ERC1: variants seen among roughly 807,000 people sequenced by gnomAD.
ERC1 encodes the protein ELKS/RAB6-interacting/CAST family member 1.
Under a neutral mutation model 132.0 loss-of-function variants are expected in ERC1, and 56 were observed. The observed-to-expected ratio is 0.42, with a 90% CI of 0.34 to 0.53. The LOEUF (loss-of-function observed/expected upper bound fraction) is 0.53, where lower values mean the gene tolerates loss of function less well. Ranked by LOEUF, ERC1 falls within the 20% of genes least tolerant of loss-of-function variation. The pLI, the probability that ERC1 is intolerant of heterozygous loss-of-function variation, is 0.03. For synonymous variants in ERC1, 478 were observed against 476.1 expected, an observed-to-expected ratio of 1.00 and a Z score of -0.05; for missense variants, 1,202 against 1,349.9, an observed-to-expected ratio of 0.89 and a Z score of 1.72.
chr12:1,168,298 T>C (rs1952651279), intron 8 of ERC1, among the ~76,000 whole-genome samples: 1 of 151,736 alleles, frequency 6.6e-6, no homozygotes, highest in Non-Finnish European at 1.5e-5. Context: ...CTGTTAATAG[T>C]TTTTGTAGTA....
intron 8 of ERC1, 127 bp from the exon 9 acceptor site, chr12:1,180,413 A>G (rs1284265529): frequency 1.3e-6 from 1 of 772,304 alleles, no homozygotes; most frequent in African/African-American, 1.8e-5. Flanking sequence ...GGATTAAATG[A>G]TTTCTACAGA....
intron 18 of ERC1, among the ~76,000 whole-genome samples, chr12:1,479,123 CTT>C (rs1046342821): frequency 2.6e-4 from 40 of 152,100 alleles, no homozygotes; most frequent in African/African-American, 9.2e-4. Flanking sequence ...TCCGTGTTCT[CTT>C]TTCGTCCCAT....
intron 7 of ERC1, among the ~76,000 whole-genome samples, chr12:1,137,470 T>C (rs529007684): frequency 5.5e-4 from 84 of 152,292 alleles, no homozygotes; most frequent in African/African-American, 1.9e-3. Context: ...CACAGTTTTA[T>C]CATCTTTTAA....
intron 8 of ERC1, among the ~76,000 whole-genome samples, chr12:1,144,080 C>T (rs1392839646): frequency 6.6e-6 from 1 of 152,108 alleles, no homozygotes; most frequent in Non-Finnish European, 1.5e-5. Flanking sequence ...TCTCCTTCTA[C>T]TTCTGTGTAC....
At chr12:1,125,042 C>T (rs528094548) in intron 7 of ERC1, among the ~76,000 whole-genome samples, 5 of 151,862 alleles carry the variant, frequency 3.3e-5, no homozygotes, top group South Asian at 2.1e-4. Context: ...TCGCCTAGGC[C>T]GGAGTGCAGT....
intron 13 of ERC1, among the ~76,000 whole-genome samples, chr12:1,255,451 G>A (rs2076735566): frequency 1.3e-5 from 2 of 151,784 alleles, no homozygotes; most frequent in Admixed American, 6.6e-5. Flanking sequence ...AATCCTTTGG[G>A]GTATATACCC....
intron 2 of ERC1, among the ~76,000 whole-genome samples, chr12:1,052,201 G>A (rs1972142209): frequency 6.6e-6 from 1 of 152,230 alleles, no homozygotes; most frequent in African/African-American, 2.4e-5. Flanking sequence ...TTTCCCAGGT[G>A]ATGCTTCTGC....
At chr12:1,095,275 C>T (rs1943869099) in intron 3 of ERC1, among the ~76,000 whole-genome samples, 1 of 151,332 alleles carries the variant, frequency 6.6e-6, no homozygotes, top group African/African-American at 2.4e-5. Context: ...ACTAAAAATA[C>T]AAATATTAGC....
At chr12:1,126,308 C>T (rs1253248778) in intron 7 of ERC1, among the ~76,000 whole-genome samples, 1 of 152,072 alleles carries the variant, frequency 6.6e-6, no homozygotes, top group African/African-American at 2.4e-5. Context: ...GTAACTAGCA[C>T]AGGAAGGAGC....
chr12:1,036,256 C>G (rs1204798892), intron 2 of ERC1, among the ~76,000 whole-genome samples: 1 of 133,798 alleles, frequency 7.5e-6, no homozygotes, highest in Non-Finnish European at 1.6e-5. Flanking sequence ...TTGTGTAATT[C>G]TTTGTCATTT....
At chr12:1,341,344 A>C (rs1454062402) in intron 15 of ERC1, among the ~76,000 whole-genome samples, 4 of 151,630 alleles carry the variant, frequency 2.6e-5, no homozygotes, top group South Asian at 4.2e-4. Context: ...AAATCATGCT[A>C]CTATAAAGAC....
At chr12:1,394,204 T>C (rs1047113676) in intron 16 of ERC1, among the ~76,000 whole-genome samples, 4 of 150,572 alleles carry the variant, frequency 2.7e-5, no homozygotes, top group African/African-American at 4.9e-5. Flanking sequence ...ATCGAGACCA[T>C]CCTGGCTAAC....
intron 7 of ERC1, among the ~76,000 whole-genome samples, chr12:1,125,566 A>G (rs1285762448): frequency 1.3e-5 from 2 of 152,164 alleles, no homozygotes; most frequent in Non-Finnish European, 2.9e-5. Context: ...CTATAATCCC[A>G]GCACTTTGGG....
intron 16 of ERC1, among the ~76,000 whole-genome samples, chr12:1,403,816 A>G (rs896933474): frequency 6.6e-6 from 1 of 152,198 alleles, no homozygotes; most frequent in East Asian, 1.9e-4. Context: ...AGATTGTCTC[A>G]TGTTCTAAGA....
chr12:1,331,891 T>A (rs55705296), intron 15 of ERC1, among the ~76,000 whole-genome samples: 2,763 of 152,304 alleles, frequency 0.018, 87 homozygotes, highest in African/African-American at 0.064. Flanking sequence ...CATTGCTATG[T>A]ATTTTATATC....
At chr12:1,160,488 G>A (rs1336769468) in intron 8 of ERC1, among the ~76,000 whole-genome samples, 3 of 152,004 alleles carry the variant, frequency 2.0e-5, no homozygotes, top group Non-Finnish European at 4.4e-5. Flanking sequence ...TAATCCCAGC[G>A]TTTTGGGAGG....
chr12:1,476,402 C>G lies in ERC1; in HGVS notation c.3214-13691C>G, dbSNP rs1216585004. On this transcript the variant is annotated intron_variant, in intron 18 of 18. Transcript: ENST00000360905. ...CTCCACTGAACTCCAGCCTGGGCAA[C>G]AGAGCAAGACTCTTTCTCTTCAAAA... Among the ~76,000 whole-genome samples the G allele has an allele frequency of 2.6e-5, 4 of 151,980 alleles. No individual in the cohort carries two copies. In the East Asian group the frequency reaches 7.7e-4, roughly 29 times the overall value.
intron 12 of ERC1, among the ~76,000 whole-genome samples, chr12:1,214,436 A>G (rs1204661675): frequency 6.6e-6 from 1 of 152,160 alleles, no homozygotes; most frequent in Non-Finnish European, 1.5e-5. Context: ...AAGTACTTGT[A>G]AGGGTTATTA....
chr12:1,353,053 T>C (rs1189779393), intron 15 of ERC1, among the ~76,000 whole-genome samples: 1 of 147,582 alleles, frequency 6.8e-6, no homozygotes, highest in Non-Finnish European at 1.5e-5. Context: ...TTTTCTGAGA[T>C]GGAGTCTCGC....
Sources: gnomAD v4.1 joint callset for allele counts (sites outside exome capture counted in the v4.1 genomes callset) on GRCh38, gnomAD v4.1.1 for gene constraint, MANE v1.5 for transcripts, NCBI Gene and HGNC (gene_info 2026-07-23, HGNC 2026-07-21) for gene names.